Variants in ANKRD62 observed in about 807,000 individuals in gnomAD.
The protein encoded by ANKRD62 is ankyrin repeat domain-containing protein 62.
In ANKRD62, 61 loss-of-function variants were observed where a neutral mutation model predicts 98.8. That is an observed-to-expected ratio of 0.62 (90% confidence interval 0.50 to 0.76). ANKRD62 has a LOEUF of 0.76. ANKRD62 is among the 30% of genes least tolerant of loss of function. The pLI is 0.00. For synonymous variants in ANKRD62, 341 were observed against 367.9 expected (o/e 0.93, Z 0.84); for missense variants, 933 against 1,082.9 (o/e 0.86, Z 1.94).
At chr18:12,153,506 C>T in the ANKRD62 span, among the ~76,000 whole-genome samples, 11 of 149,870 alleles carry the variant, frequency 7.3e-5, no homozygotes, top group African/African-American at 2.2e-4. Flanking sequence ...GCAAGAGAAT[C>T]GCTTGAACCT....
At position 12,126,201 on chromosome 18, in the gene ANKRD62, C is replaced by G. The variant is rs192904676; in HGVS notation, c.2380C>G (p.Arg794Gly). ...GTATCAACAGCAGTGTAATGATGCT[C>G]GCAAGAAAGCTGACAATCAGGAGAA... The part of the protein sequence containing the change: ...LLYQQQCNDA[R>G]KKADNQEKTI... The change falls in exon 13 of 14, where the codon CGC (arginine) becomes GGC (glycine). Residue 794 changes from arginine to glycine, a missense_variant. Transcript: ENST00000587848. The G allele has an allele frequency of 1.3e-6, 2 of 1,535,982 alleles. No individual in the cohort carries two copies. Among genetic ancestry groups the G allele is most frequent in the African/African-American group, 1.4e-5 (1 of 73,146 alleles).
rs768586747 is a variant in ANKRD62, at chr18:12,122,507, G to A, written c.1445G>A (p.Cys482Tyr). The A allele has an allele frequency of 1.1e-5, 16 of 1,516,122 alleles. No individual in the cohort carries two copies. In the South Asian group the frequency reaches 1.9e-4, roughly 18 times the overall value. The allele number at this position is 1,516,122 out of a possible 1,614,324, so 93.9% of individuals were successfully genotyped here. A position where few individuals can be genotyped will look rare whatever the true frequency, so the allele number is the denominator to read the frequency against. The part of the protein sequence containing the change: ...HQNLQGKKKL[C>Y]NLRFILQQQE... ...AATCTTCAAGGGAAAAAAAAGCTCT[G>A]TAATTTGAGGTATCACATTCTAGTT... Residue 482 changes from cysteine to tyrosine, a missense_variant, in exon 11 of 14, where the codon TGT (cysteine) becomes TAT (tyrosine). Transcript: ENST00000587848.
chr18:12,175,749 G>A, the ANKRD62 span, among the ~76,000 whole-genome samples: 1 of 151,944 alleles, frequency 6.6e-6, no homozygotes, highest in Non-Finnish European at 1.5e-5. Flanking sequence ...AGTGGAATGG[G>A]CAGCAAGTGA....
chr18:12,096,264 G>GA lies in ANKRD62; in HGVS notation c.582dup (p.Pro195ThrfsTer8). Reference sequence around the variant, plus strand: ...AGCAAATGGTGGCATTTTTGTTGAAGAAAAAACCAGATTTAACTGCAATAG... The same window carrying GA: ...AGCAAATGGTGGCATTTTTGTTGAAGAAAAAAACCAGATTTAACTGCAATAG... On this transcript the variant is annotated frameshift_variant, in exon 4 of 14. Coordinates refer to ENST00000587848, the MANE Select transcript of ANKRD62 (RefSeq NM_001277333.2). LOFTEE classifies it high-confidence loss of function. 6.5e-7 allele frequency: 1 copy of GA among 1,534,130 alleles called. No homozygotes were observed. The highest frequency in any genetic ancestry group is 8.7e-7 in the Non-Finnish European group (1 of 1,145,302).
chr18:12,168,812 G>T, the ANKRD62 span, among the ~76,000 whole-genome samples: 1 of 152,254 alleles, frequency 6.6e-6, no homozygotes, highest in African/African-American at 2.4e-5. Context: ...TTATTTCGTT[G>T]AGCAGTTGTT....
At chr18:12,171,812 T>A in the ANKRD62 span, among the ~76,000 whole-genome samples, 93,259 of 151,912 alleles carry the variant, frequency 0.61, 29,060 homozygotes, top group Middle Eastern at 0.76. Flanking sequence ...ACATAGTCCC[T>A]TATTTCTTGG....
chr18:12,139,814 A>G, the ANKRD62 span, among the ~76,000 whole-genome samples: 1 of 152,064 alleles, frequency 6.6e-6, no homozygotes, highest in African/African-American at 2.4e-5. Context: ...TGAATCTGAC[A>G]ATTATGCGTC....
At chr18:12,117,811 C>A (rs944803945) in intron 10 of ANKRD62, among the ~76,000 whole-genome samples, 5 of 152,168 alleles carry the variant, frequency 3.3e-5, no homozygotes, top group Admixed American at 6.5e-5. Flanking sequence ...TGGGAAAAAA[C>A]CCCATTTGTT....
At chr18:12,095,139 C>A (rs138559931) in intron 1 of ANKRD62, 32 bp from the exon 2 acceptor site, 1 of 1,494,124 alleles carries the variant, frequency 6.7e-7, no homozygotes, top group East Asian at 2.5e-5. Flanking sequence ...CTGTGCACTA[C>A]AATTGCCTAA....
At chr18:12,168,074 T>C in the ANKRD62 span, among the ~76,000 whole-genome samples, 1 of 152,178 alleles carries the variant, frequency 6.6e-6, no homozygotes, top group Non-Finnish European at 1.5e-5. Context: ...TTTTCTCCCA[T>C]TCTGTAGGTT....
chr18:12,094,107 CG>C lies in ANKRD62; in HGVS notation c.93del (p.Tyr32ThrfsTer10). 1 of 1,534,462 alleles carries C rather than the reference CG, an allele frequency of 6.5e-7. No individual in the cohort carries two copies. On this transcript the variant is annotated frameshift_variant, in exon 1 of 14. Coordinates refer to ENST00000587848, the MANE Select transcript of ANKRD62 (RefSeq NM_001277333.2). LOFTEE classifies it high-confidence loss of function. ...GTGACAAGGATGGCTTCTCAAATCC[CG>C]GGTACCGAGTCCGGCAGAAGGATCT... is the stretch of plus-strand genomic sequence containing the variant. ...NRDKDGFSNP[G>X]YRVRQKDLGM...
chr18:12,159,376 T>G, the ANKRD62 span, among the ~76,000 whole-genome samples: 1 of 152,220 alleles, frequency 6.6e-6, no homozygotes, highest in Non-Finnish European at 1.5e-5. Flanking sequence ...TTAAATGAAT[T>G]TAATGTACAA....
At chr18:12,173,781 G>C in the ANKRD62 span, among the ~76,000 whole-genome samples, 2 of 152,172 alleles carry the variant, frequency 1.3e-5, no homozygotes, top group African/African-American at 4.8e-5. Flanking sequence ...TTCTGGGTTG[G>C]AAATTCTTTT....
chr18:12,114,030 A>G (rs1909605110), intron 8 of ANKRD62, among the ~76,000 whole-genome samples: 1 of 152,200 alleles, frequency 6.6e-6, no homozygotes, highest in Non-Finnish European at 1.5e-5. Flanking sequence ...GCAATTTAAC[A>G]CAGTAAAAGA....
At chr18:12,114,703 G>A (rs1387243429) in intron 8 of ANKRD62, among the ~76,000 whole-genome samples, 2 of 152,078 alleles carry the variant, frequency 1.3e-5, no homozygotes, top group African/African-American at 4.8e-5. Flanking sequence ...TGTTACACAA[G>A]TAATATTTAT....
chr18:12,128,038 T>G lies in ANKRD62; in HGVS notation c.*99T>G. Reference sequence around the variant, plus strand: ...TAATTTTATTAAAATTTGATTATCTTTATAATACATCCATTTCTCAATCTC... The same window carrying G: ...TAATTTTATTAAAATTTGATTATCTGTATAATACATCCATTTCTCAATCTC... On this transcript the variant is annotated 3_prime_UTR_variant, in exon 14 of 14. Coordinates refer to ENST00000587848, the MANE Select transcript of ANKRD62 (RefSeq NM_001277333.2). 1 of 661,370 alleles carries G rather than the reference T, an allele frequency of 1.5e-6. No homozygotes were observed. The highest frequency in any genetic ancestry group is 2.1e-6 in the Non-Finnish European group (1 of 466,968). 41.0% of individuals were successfully genotyped at this position (661,370 alleles called of 1,614,324 possible).
intron 12 of ANKRD62, 76 bp from the exon 13 acceptor site, chr18:12,125,384 C>T (rs1909865959): frequency 1.5e-6 from 2 of 1,318,328 alleles, no homozygotes; most frequent in East Asian, 5.1e-5. Flanking sequence ...CAGGTTATTA[C>T]TTATTTAGTT....
chr18:12,094,238 A>G lies in ANKRD62; in HGVS notation c.218+3A>G, dbSNP rs955899251. On this transcript the variant is annotated splice_donor_region_variant and intron_variant, in intron 1 of 13. Transcript: ENST00000587848. ...AACGACAGGGACAAGAAGAACAGGT[A>G]AGGGGAACAGGAAGCCGGGAGGAGG... 9.5e-5 allele frequency: 145 copies of G among 1,521,780 alleles called. No homozygotes were observed. Among genetic ancestry groups the G allele is most frequent in the Non-Finnish European group, 1.2e-4 (134 of 1,143,596 alleles). 94.3% of individuals were successfully genotyped at this position (1,521,780 alleles called of 1,614,324 possible). A position where few individuals can be genotyped will look rare whatever the true frequency, so the allele number is the denominator to read the frequency against.
At chr18:12,098,259 A>G (rs1019763918) in intron 5 of ANKRD62, among the ~76,000 whole-genome samples, 2 of 152,138 alleles carry the variant, frequency 1.3e-5, no homozygotes, top group African/African-American at 4.8e-5. Flanking sequence ...AATAATAAAA[A>G]TCTCCCAGCC....
Sources: allele counts gnomAD v4.1 joint callset (sites outside exome capture counted in the v4.1 genomes callset), GRCh38; gene constraint gnomAD v4.1.1; transcripts MANE v1.5; gene names NCBI Gene and HGNC (gene_info 2026-07-23, HGNC 2026-07-21).